The following TNS1 variants were observed in gnomAD, a reference collection of about 807,000 sequenced individuals.
TNS1 encodes the protein tensin 1.
Under a neutral mutation model 168.6 loss-of-function variants are expected in TNS1, and 62 were observed. The ratio of observed to expected loss-of-function variants is 0.37; its 90% confidence interval spans 0.30 to 0.45. TNS1 has a LOEUF of 0.45. Ranked by LOEUF, TNS1 falls within the 20% of genes least tolerant of loss-of-function variation. The probability of loss-of-function intolerance (pLI) is 1.00; values close to 1 mark genes in which losing one functional copy is unlikely to be tolerated. For synonymous variants in TNS1, 934 were observed against 933.2 expected, an observed-to-expected ratio of 1.00 and a Z score of -0.02; for missense variants, 2,240 against 2,339.4, an observed-to-expected ratio of 0.96 and a Z score of 0.88.
In TNS1 at chr2:217,986,702, T is replaced by C. The variant is rs534810375; in HGVS notation, c.148+4240A>G. 6.6e-6 allele frequency: 1 copy of C among 152,128 alleles called. No homozygotes were observed. Among genetic ancestry groups the C allele is most frequent in the African/African-American group, 2.4e-5 (1 of 41,270 alleles). 9.4% of individuals were successfully genotyped at this position (152,128 alleles called of 1,614,324 possible). ...CCTGCTGAAGCCTGACAAGAACATC[T>C]CTACTGAGTCAGAAACGGCCCTCCA... On this transcript the variant is annotated intron_variant, in intron 2 of 32. Coordinates refer to ENST00000682258, the MANE Select transcript of TNS1 (RefSeq NM_001387777.1). The surrounding 1 kb of genome is among the most constrained non-coding windows in gnomAD (Gnocchi z 4.7).
At chr2:217,903,584 G>C (rs564724542) in intron 6 of TNS1, 603 of 1,535,336 alleles carry the variant, frequency 3.9e-4, no homozygotes, top group Non-Finnish European at 5.2e-4. Flanking sequence ...ACACCAAACA[G>C]AACTCTCCCC....
intron 18 of TNS1, among the ~76,000 whole-genome samples, chr2:217,865,772 C>A (rs1363171225): frequency 6.6e-6 from 1 of 152,134 alleles, no homozygotes; most frequent in Non-Finnish European, 1.5e-5. Context: ...AGGCAGGACA[C>A]CCCAGGTCCC....
In TNS1 at chr2:217,848,819, G is replaced by T. The variant is rs61740205; in HGVS notation, c.1698C>A (p.Asp566Glu). The T allele has an allele frequency of 7.8e-4, 1,259 of 1,614,068 alleles. 6 individuals carry two copies. In the African/African-American group the frequency reaches 0.015, roughly 20 times the overall value. ...ALSPQEKRELDRLLSGFGLER... is the reference protein window; with the variant it reads ...ALSPQEKRELERLLSGFGLER... The stretch of plus-strand genomic sequence containing the variant: ...CTAAGCCAAAGCCACTCAGCAGGCG[G>T]TCCAGCTCCCGCTTCTCCTGGGGAC... Residue 566 changes from aspartate to glutamate, a missense_variant, in exon 19 of 33, where the codon GAC (aspartate) becomes GAA (glutamate). This residue lies in a region of TNS1 where 2,131 missense variants were observed against 2,171.2 expected (regional missense o/e 0.98). Coordinates refer to ENST00000682258, the MANE Select transcript of TNS1 (RefSeq NM_001387777.1).
Position 217,800,172 on chromosome 2 carries a change from A to G in TNS1, c.*4287T>C, listed in dbSNP as rs1937266114. On this transcript the variant is annotated 3_prime_UTR_variant, in exon 33 of 33. Transcript: ENST00000682258. ...TGTGCTCTCACACACACGCACAAAC[A>G]AAACACAGACACAGGAGAGTTTCAA... is the stretch of plus-strand genomic sequence containing the variant. The G allele has an allele frequency of 6.6e-6, 1 of 152,354 alleles. No homozygotes were observed. The highest frequency in any genetic ancestry group is 1.5e-5 in the Non-Finnish European group (1 of 68,136). 9.4% of individuals were successfully genotyped at this position (152,354 alleles called of 1,614,324 possible). A position where few individuals can be genotyped will look rare whatever the true frequency, so the allele number is the denominator to read the frequency against.
chr2:217,900,478 TGGGGCTGGACACTC>T lies in TNS1; in HGVS notation c.342_355del (p.Ser115ProfsTer18). ...CCAGGCATACCTGATGGGCTGGAGG[TGGGGCTGGACACTC>T]GGGGTGACCCTGGTGGAGCCCTGGG... On this transcript the variant is annotated frameshift_variant, in exon 7 of 33. Coordinates refer to ENST00000682258, the MANE Select transcript of TNS1 (RefSeq NM_001387777.1). LOFTEE classifies it high-confidence loss of function. The T allele has an allele frequency of 1.3e-6, 2 of 1,534,974 alleles. No homozygotes were observed. The highest frequency in any genetic ancestry group is 1.7e-6 in the Non-Finnish European group (2 of 1,146,636).
intron 18 of TNS1, among the ~76,000 whole-genome samples, chr2:217,864,028 C>G (rs1299405363): frequency 6.6e-6 from 1 of 152,220 alleles, no homozygotes; most frequent in Non-Finnish European, 1.5e-5. Flanking sequence ...CTTCACACTT[C>G]CCATCCCAGG....
At chr2:217,907,058 C>T (rs565201288) in intron 5 of TNS1, among the ~76,000 whole-genome samples, 152 bp downstream of exon 5, 1 of 152,292 alleles carries the variant, frequency 6.6e-6, no homozygotes, top group Admixed American at 6.5e-5. Flanking sequence ...AGCAGCCGCC[C>T]CACTACTTCC....
intron 3 of TNS1, among the ~76,000 whole-genome samples, chr2:217,932,425 C>T (rs149150346): frequency 1.0e-3 from 154 of 152,254 alleles, no homozygotes; most frequent in African/African-American, 3.6e-3. Flanking sequence ...GACTTAGGTG[C>T]CATCAGTAAA....
chr2:218,029,467 G>C (rs1306906981), intron 1 of TNS1, among the ~76,000 whole-genome samples: 3 of 152,212 alleles, frequency 2.0e-5, no homozygotes, highest in Non-Finnish European at 4.4e-5. Context: ...AGTGTTCTTA[G>C]CAGTGCTACT....
At chr2:217,864,717 G>A (rs186274187) in intron 18 of TNS1, among the ~76,000 whole-genome samples, 3 of 152,314 alleles carry the variant, frequency 2.0e-5, no homozygotes, top group East Asian at 1.9e-4. Flanking sequence ...AAGCATTTCT[G>A]GAAACAAGTA....
rs1946859080 is a variant in TNS1 at position 217,847,754 on chromosome 2, A to G, written c.2763T>C (p.Tyr921=). Residue 921 remains tyrosine, a synonymous_variant, in exon 19 of 33, where the codon TAT becomes TAC. Coordinates refer to ENST00000682258, the MANE Select transcript of TNS1 (RefSeq NM_001387777.1). ...GCCCAGCCAAACATGGCTGATAGTC[A>G]TAAGGTGAGTAAGACCTGCCAGGAG... ...SVPPGRSYSP[Y]DYQPCLAGPN... is the part of the protein sequence containing the mutation. The G allele has an allele frequency of 6.2e-7, 1 of 1,609,180 alleles. No individual in the cohort carries two copies. Among genetic ancestry groups the G allele is most frequent in the Non-Finnish European group, 8.5e-7 (1 of 1,176,160 alleles).
chr2:217,831,238 C>T (rs909295820), intron 22 of TNS1, among the ~76,000 whole-genome samples: 1 of 152,204 alleles, frequency 6.6e-6, no homozygotes, highest in Non-Finnish European at 1.5e-5. Context: ...CTAGAGGAGG[C>T]TGGGAGTTGT....
intron 3 of TNS1, among the ~76,000 whole-genome samples, chr2:217,975,420 C>T (rs1957869746): frequency 6.6e-6 from 1 of 152,150 alleles, no homozygotes; most frequent in African/African-American, 2.4e-5. Context: ...ACTCTGTATA[C>T]ATAACACAGC....
chr2:218,023,819 T>C (rs186532889), intron 1 of TNS1, among the ~76,000 whole-genome samples: 150 of 152,242 alleles, frequency 9.9e-4, no homozygotes, highest in Non-Finnish European at 1.9e-3. Context: ...GCCGTGAGGC[T>C]CTGAGCTCAT....
At chr2:217,814,285 G>T (rs1941499865) in intron 25 of TNS1, among the ~76,000 whole-genome samples, 1 of 151,200 alleles carries the variant, frequency 6.6e-6, no homozygotes, top group Non-Finnish European at 1.5e-5. Context: ...TGAAGTGCTG[G>T]GATTATAGGT....
At chr2:217,822,364 G>A (rs985671799) in intron 22 of TNS1, among the ~76,000 whole-genome samples, 1 of 152,138 alleles carries the variant, frequency 6.6e-6, no homozygotes, top group Non-Finnish European at 1.5e-5. Context: ...CTGTATCCCA[G>A]GATAGTGCCA....
intron 19 of TNS1, among the ~76,000 whole-genome samples, chr2:217,839,367 A>G (rs1408895459): frequency 1.3e-5 from 2 of 152,060 alleles, no homozygotes; most frequent in East Asian, 3.9e-4. Flanking sequence ...CCCTGCCAGG[A>G]TGAGCAGTTA....
At chr2:217,941,171 C>A (rs1047162254) in intron 3 of TNS1, among the ~76,000 whole-genome samples, 2 of 152,230 alleles carry the variant, frequency 1.3e-5, no homozygotes, top group Admixed American at 6.5e-5. Context: ...TATCTCCAGG[C>A]TGGCTAGGGA....
intron 4 of TNS1, among the ~76,000 whole-genome samples, chr2:217,909,867 C>T (rs1954159822): frequency 6.6e-6 from 1 of 152,200 alleles, no homozygotes; most frequent in South Asian, 2.1e-4. Flanking sequence ...AAGCAGGTCA[C>T]CTTGTCCTTC....
Sources: allele counts gnomAD v4.1 joint callset (sites outside exome capture counted in the v4.1 genomes callset), GRCh38; gene constraint gnomAD v4.1.1; regional missense constraint gnomAD v4.1.1; non-coding constraint Gnocchi (gnomAD v3.1); transcripts MANE v1.5; gene names NCBI Gene and HGNC (gene_info 2026-07-23, HGNC 2026-07-21).